NR6A1: variants seen among roughly 807,000 people sequenced by gnomAD.
NR6A1 encodes nuclear receptor subfamily 6 group A member 1, also known as retinoic acid receptor-related testis-associated receptor.
In NR6A1, 7 loss-of-function variants were observed where a neutral mutation model predicts 59.1. The ratio of observed to expected loss-of-function variants is 0.12; its 90% CI spans 0.07 to 0.22. The LOEUF is 0.22. Among genes scored for constraint, NR6A1 ranks in the 10% least tolerant of loss-of-function variants. NR6A1 has a pLI of 1.00. For missense variants in NR6A1, 468 were observed against 611.6 expected (o/e 0.77, Z 2.48); for synonymous variants, 243 against 236.1 (o/e 1.03, Z -0.27).
chr9:124,590,917 T>C lies in NR6A1; in HGVS notation c.143-36347A>G, dbSNP rs72761490. On this transcript the variant is annotated intron_variant, in intron 2 of 9. Transcript: ENST00000487099. ...CCTTAAAGCCCATCCCCCTCTCCAT[T>C]TTCTTCCAATCAACAGAACTGTAAA... Among the ~76,000 whole-genome samples, 450 of 152,316 alleles carry C rather than the reference T, an allele frequency of 3.0e-3. 1 individual carries two copies. The highest frequency in any genetic ancestry group is 4.6e-3 in the Non-Finnish European group (310 of 68,020).
At chr9:124,766,004 A>G (rs1840924785) in intron 1 of NR6A1, among the ~76,000 whole-genome samples, 1 of 152,200 alleles carries the variant, frequency 6.6e-6, no homozygotes, top group Non-Finnish European at 1.5e-5. Flanking sequence ...AAGACAAGCC[A>G]TGTTGGAAAA....
At chr9:124,642,897 C>G (rs139481641) in intron 2 of NR6A1, among the ~76,000 whole-genome samples, 157 of 152,192 alleles carry the variant, frequency 1.0e-3, no homozygotes, top group Middle Eastern at 3.4e-3. Context: ...AGAAAGTGGG[C>G]AGGCTTGAAG....
chr9:124,624,912 GTT>G (rs71492418), intron 2 of NR6A1, among the ~76,000 whole-genome samples: 5 of 134,838 alleles, frequency 3.7e-5, no homozygotes, highest in Non-Finnish European at 1.6e-5. Context: ...TTGCTAGCTT[GTT>G]TTTTTTTTTT....
intron 1 of NR6A1, among the ~76,000 whole-genome samples, chr9:124,739,776 T>G (rs564406108): frequency 3.9e-4 from 59 of 152,354 alleles, no homozygotes; most frequent in African/African-American, 1.4e-3. Flanking sequence ...AACTTCTGAG[T>G]ATCACCAGTC....
rs573625112 is a variant in NR6A1 at position 124,755,773 on chromosome 9, G to C, written c.100+15247C>G. 3.3e-5 allele frequency among the ~76,000 whole-genome samples: 5 copies of C among 152,234 alleles called. No homozygotes were observed. The East Asian group carries it at 9.6e-4, about 29-fold the overall frequency. ...TAATATTTTTACTTTTACACTGACTGAGTATAATCAGAAACTTTCACTAAG... is the reference window on the plus strand; with the variant it reads ...TAATATTTTTACTTTTACACTGACTCAGTATAATCAGAAACTTTCACTAAG... On this transcript the variant is annotated intron_variant, in intron 1 of 9. Transcript: ENST00000487099.
rs140813108 is a variant in NR6A1, at chr9:124,682,600, C to T, written c.142+50708G>A. 5.5e-3 allele frequency among the ~76,000 whole-genome samples: 843 copies of T among 152,120 alleles called. 7 individuals carry two copies. The highest frequency in any genetic ancestry group is 0.019 in the African/African-American group (801 of 41,496). On this transcript the variant is annotated intron_variant, in intron 2 of 9. Coordinates refer to ENST00000487099, the MANE Select transcript of NR6A1 (RefSeq NM_033334.4). ...TTTACAGCTTTATTTTAAAATGTTACTTATGTTAATATATAATGGTTTATC... is the reference window on the plus strand; with the variant it reads ...TTTACAGCTTTATTTTAAAATGTTATTTATGTTAATATATAATGGTTTATC...
intron 1 of NR6A1, among the ~76,000 whole-genome samples, chr9:124,765,762 G>C (rs769395983): frequency 1.8e-3 from 281 of 152,242 alleles, no homozygotes; most frequent in Non-Finnish European, 3.6e-3. Flanking sequence ...AAAACTCTGG[G>C]TTTTTTTGAG....
chr9:124,706,231 C>T (rs1839129872), intron 2 of NR6A1, among the ~76,000 whole-genome samples: 1 of 152,146 alleles, frequency 6.6e-6, no homozygotes, highest in Non-Finnish European at 1.5e-5. Flanking sequence ...CCTATTATTG[C>T]CATATATGTT....
At chr9:124,562,527 C>A (rs947404243) in intron 2 of NR6A1, among the ~76,000 whole-genome samples, 6 of 152,100 alleles carry the variant, frequency 3.9e-5, no homozygotes. Context: ...AACGCCTGAC[C>A]TCAAATGACC....
At chr9:124,697,430 G>T (rs1838801179) in intron 2 of NR6A1, among the ~76,000 whole-genome samples, 1 of 152,028 alleles carries the variant, frequency 6.6e-6, no homozygotes, top group Non-Finnish European at 1.5e-5. Context: ...TAATAGGAGG[G>T]ACCAATCCAG....
intron 2 of NR6A1, among the ~76,000 whole-genome samples, chr9:124,599,906 A>G (rs1835399550): frequency 1.3e-5 from 2 of 152,190 alleles, no homozygotes; most frequent in African/African-American, 2.4e-5. Flanking sequence ...TCTTAACACC[A>G]TTTCCCATAT....
intron 1 of NR6A1, among the ~76,000 whole-genome samples, chr9:124,739,187 CAAAA>C (rs914049465): frequency 1.2e-5 from 1 of 80,466 alleles, no homozygotes; most frequent in Non-Finnish European, 2.6e-5. Context: ...GACTCCATCT[CAAAA>C]AAAAAAAAAA....
intron 2 of NR6A1, among the ~76,000 whole-genome samples, chr9:124,577,300 C>T (rs527935034): frequency 6.6e-6 from 1 of 152,306 alleles, no homozygotes; most frequent in East Asian, 1.9e-4. Context: ...TTCTTTGAGT[C>T]TCTTCCAAAG....
Position 124,536,010 on chromosome 9 carries a change from T to C in NR6A1, c.947A>G (p.Tyr316Cys), listed in dbSNP as rs763974057. The C allele has an allele frequency of 4.3e-6, 7 of 1,614,126 alleles. No individual in the cohort carries two copies. Among genetic ancestry groups the C allele is most frequent in the Non-Finnish European group, 5.9e-6 (7 of 1,180,052 alleles). Reference protein sequence around the residue: ...PFFCELSIKDYTCLLSSTWQE... With the variant: ...PFFCELSIKDCTCLLSSTWQE... ...CCACGTAGAGCTCAAGAGGCACGTG[T>C]AATCCTTGATTGAGAGCTCGCAGAA... Residue 316 changes from tyrosine to cysteine, a missense_variant, in exon 7 of 10, where the codon TAC (tyrosine) becomes TGC (cysteine). Physicochemically the swap from Tyr to Cys is radical, Grantham distance 194 (BLOSUM62 -2). Around this residue, in one of 4 missense-constraint regions of NR6A1, gnomAD observed 176 missense variants for 264.0 expected, o/e 0.67. Transcript: ENST00000487099.
At chr9:124,570,260 C>T (rs1564184142) in intron 2 of NR6A1, among the ~76,000 whole-genome samples, 1 of 151,932 alleles carries the variant, frequency 6.6e-6, no homozygotes, top group Non-Finnish European at 1.5e-5. Context: ...CTCCAGCCTG[C>T]TTTTCCCGTT....
intron 2 of NR6A1, among the ~76,000 whole-genome samples, chr9:124,727,266 C>T (rs1839749524): frequency 6.6e-6 from 1 of 152,174 alleles, no homozygotes; most frequent in Non-Finnish European, 1.5e-5. Flanking sequence ...AAAAGTTTTA[C>T]ACAATTGTTT....
intron 2 of NR6A1, among the ~76,000 whole-genome samples, chr9:124,593,754 C>T (rs1018172436): frequency 7.2e-5 from 11 of 152,160 alleles, no homozygotes; most frequent in Non-Finnish European, 7.4e-5. Flanking sequence ...TGCACAAGGG[C>T]TGCATCTATC....
At chr9:124,715,228 A>T (rs1228746881) in intron 2 of NR6A1, among the ~76,000 whole-genome samples, 1 of 151,090 alleles carries the variant, frequency 6.6e-6, no homozygotes, top group Non-Finnish European at 1.5e-5. Context: ...AAGACTCAAG[A>T]CTCAATATTA....
chr9:124,632,137 A>G (rs114203696), intron 2 of NR6A1, among the ~76,000 whole-genome samples: 244 of 152,274 alleles, frequency 1.6e-3, no homozygotes, highest in African/African-American at 5.7e-3. Context: ...GTACATGTGC[A>G]TGTGTCTTTA....
Sources: gnomAD v4.1 joint callset for allele counts (sites outside exome capture counted in the v4.1 genomes callset) on GRCh38, gnomAD v4.1.1 for gene constraint, gnomAD v4.1.1 regional missense constraint, MANE v1.5 for transcripts, NCBI Gene and HGNC (gene_info 2026-07-23, HGNC 2026-07-21) for gene names.